ADSL: variants seen among roughly 807,000 people sequenced by gnomAD.
ADSL encodes adenylosuccinate lyase.
A neutral mutation model predicts 62.1 loss-of-function variants in ADSL; 44 were observed. The observed-to-expected ratio is 0.71, with a 90% CI of 0.56 to 0.91. The LOEUF is 0.91. ADSL is among the 40% of genes least tolerant of loss of function. ADSL has a pLI of 0.00. For synonymous variants in ADSL, 198 were observed against 220.5 expected (o/e 0.90, Z 0.90); for missense variants, 531 against 627.4 (o/e 0.85, Z 1.64).
chr22:40,351,776 TC>T (rs1380629723), intron 2 of ADSL, among the ~76,000 whole-genome samples: 2 of 151,974 alleles, frequency 1.3e-5, no homozygotes, highest in Non-Finnish European at 2.9e-5. Context: ...GCCTCAGCCT[TC>T]CAAGTAGCTA....
intron 2 of ADSL, among the ~76,000 whole-genome samples, chr22:40,383,286 T>C (rs1008009510): frequency 2.6e-5 from 4 of 151,804 alleles, no homozygotes; most frequent in Admixed American, 2.0e-4. Flanking sequence ...GCCAACACGG[T>C]GAAACCCCAT....
chr22:40,365,283 G>A (rs1238276171), intron 12 of ADSL, among the ~76,000 whole-genome samples: 1 of 152,132 alleles, frequency 6.6e-6, no homozygotes, highest in African/African-American at 2.4e-5. Context: ...GTGCAGTGGT[G>A]CTGGGATTAT....
In ADSL at chr22:40,386,622, A is replaced by G. The variant is rs189749424; in HGVS notation, c.90-3608A>G. Reference sequence around the variant, plus strand: ...AGACAACTAGAGATCAGGTCTCGCTATGTTGCCCAGGCTGGTCTTGAACTC... The same window carrying G: ...AGACAACTAGAGATCAGGTCTCGCTGTGTTGCCCAGGCTGGTCTTGAACTC... On this transcript the variant is annotated intron_variant, in intron 2 of 2. Transcript: ENST00000498234. 1.9e-3 allele frequency among the ~76,000 whole-genome samples: 214 copies of G among 113,406 alleles called. 1 individual carries two copies. The highest frequency in any genetic ancestry group is 7.1e-3 in the African/African-American group (202 of 28,266). 74.4% of individuals were successfully genotyped at this position (113,406 alleles called of 152,430 possible). A position where few individuals can be genotyped will look rare whatever the true frequency, so the allele number is the denominator to read the frequency against.
chr22:40,358,468 C>G (rs2044650511), intron 4 of ADSL, among the ~76,000 whole-genome samples: 1 of 152,116 alleles, frequency 6.6e-6, no homozygotes, highest in Non-Finnish European at 1.5e-5. Flanking sequence ...CCTGTGGTCC[C>G]AGCTACATGG....
intron 6 of ADSL, among the ~76,000 whole-genome samples, chr22:40,359,726 A>G (rs1384868093): frequency 6.6e-6 from 1 of 151,814 alleles, no homozygotes; most frequent in Non-Finnish European, 1.5e-5. Flanking sequence ...ATTGTTTTGT[A>G]GAGACCATGT....
chr22:40,363,101 C>T (rs748903899), intron 10 of ADSL, 30 bp downstream of exon 10: 1 of 1,596,916 alleles, frequency 6.3e-7, no homozygotes, highest in Non-Finnish European at 8.6e-7. Flanking sequence ...AAGTAAAGTA[C>T]TAGGGAGGGG....
rs2045045026 is a variant in ADSL at position 40,367,671 on chromosome 22, A to G, written c.*1149A>G. On this transcript the variant is annotated 3_prime_UTR_variant, in exon 13 of 13. Transcript: ENST00000623063. ...TTAATTACCTACCTGCCAGGAGAGC[A>G]CTAGTGTTATTTAGCCCATTCTCAT... The G allele has an allele frequency of 6.0e-6, 1 of 167,002 alleles. No homozygotes were observed. The highest frequency in any genetic ancestry group is 2.4e-5 in the African/African-American group (1 of 41,452). 10.3% of individuals were successfully genotyped at this position (167,002 alleles called of 1,614,324 possible). A position where few individuals can be genotyped will look rare whatever the true frequency, so the allele number is the denominator to read the frequency against.
rs143916630 is a variant in ADSL at position 40,346,580 on chromosome 22, G to A, written c.22G>A (p.Gly8Ser). Residue 8 changes from glycine (G) to serine (S), a missense_variant, in exon 1 of 13, where the codon GGT becomes AGT. By Grantham distance (56) the Gly-to-Ser change is moderately conservative. Coordinates refer to ENST00000623063, the MANE Select transcript of ADSL (RefSeq NM_000026.4). MAAGGDH[G>S]SPDSYRSPLA... Reference sequence around the variant, plus strand: ...TGGGATGGCGGCTGGAGGCGATCATGGTTCGCCCGACAGCTACCGCTCACC... The same window carrying A: ...TGGGATGGCGGCTGGAGGCGATCATAGTTCGCCCGACAGCTACCGCTCACC... The A allele has an allele frequency of 1.2e-6, 2 of 1,605,766 alleles. No homozygotes were observed. Among genetic ancestry groups the A allele is most frequent in the African/African-American group, 2.7e-5 (2 of 74,844 alleles).
chr22:40,360,445 AT>A lies in ADSL; in HGVS notation c.747del (p.Ile249MetfsTer63). 1 of 1,614,094 alleles carries A rather than the reference AT, an allele frequency of 6.2e-7. No individual in the cohort carries two copies. Among genetic ancestry groups the A allele is most frequent in the Non-Finnish European group, 8.5e-7 (1 of 1,179,970 alleles). On this transcript the variant is annotated frameshift_variant, in exon 7 of 13. Transcript: ENST00000623063. LOFTEE classifies it high-confidence loss of function. Reference protein sequence around the residue: ...TGQTYTRKVDIEVLSVLASLG... With the variant: ...TGQTYTRKVDXEVLSVLASLG... ...GCAGACATATACACGAAAAGTGGAT[AT>A]TGAAGTACTGTCTGTGCTGGCTAGC... is the stretch of plus-strand genomic sequence containing the variant.
chr22:40,350,933 A>G (rs1017206386), intron 2 of ADSL, among the ~76,000 whole-genome samples: 1 of 151,910 alleles, frequency 6.6e-6, no homozygotes, highest in African/African-American at 2.4e-5. Context: ...CCTGGCCTTC[A>G]AAGGACTTGT....
intron 2 of ADSL, among the ~76,000 whole-genome samples, chr22:40,385,482 T>A (rs1464997399): frequency 6.6e-6 from 1 of 152,072 alleles, no homozygotes; most frequent in African/African-American, 2.4e-5. Flanking sequence ...GGTTGAAAGG[T>A]TCTCGTGGGT....
At chr22:40,376,229 G>T (rs559582568) in intron 2 of ADSL, 2 of 120,882 alleles carry the variant, frequency 1.7e-5, no homozygotes, top group Non-Finnish European at 3.2e-5. Flanking sequence ...GAAACAGTAC[G>T]GTAGTCGGAG....
At position 40,361,345 on chromosome 22, in the gene ADSL, G is replaced by A; in HGVS notation, c.862+3G>A. ...ACCCTTTGAAAAACAGCAGATTGGT[G>A]AGTGCTGTGTAGAGACCTGTGAGCA... On this transcript the variant is annotated splice_donor_region_variant and intron_variant, in intron 8 of 12. Coordinates refer to ENST00000623063, the MANE Select transcript of ADSL (RefSeq NM_000026.4). 1.2e-6 allele frequency: 2 copies of A among 1,614,080 alleles called. No homozygotes were observed. Among genetic ancestry groups the A allele is most frequent in the Non-Finnish European group, 8.5e-7 (1 of 1,179,914 alleles).
Position 40,350,047 on chromosome 22 carries a change from T to A in ADSL, c.357+12T>A. On this transcript the variant is annotated intron_variant, in intron 2 of 12. Transcript: ENST00000623063. ...TTGGAGACAATACTGTAGGCGCCTGTGTTGTTTATACTTAAAACTCAGTCT... is the reference window on the plus strand; with the variant it reads ...TTGGAGACAATACTGTAGGCGCCTGAGTTGTTTATACTTAAAACTCAGTCT... 1 of 1,611,026 alleles carries A rather than the reference T, an allele frequency of 6.2e-7. No homozygotes were observed. Among genetic ancestry groups the A allele is most frequent in the Non-Finnish European group, 8.5e-7 (1 of 1,177,158 alleles).
At chr22:40,356,263 G>A (rs117105495) in intron 4 of ADSL, among the ~76,000 whole-genome samples, 1,862 of 151,706 alleles carry the variant, frequency 0.012, 18 homozygotes, top group Middle Eastern at 0.02. Flanking sequence ...GCAGCCGGGC[G>A]CAGTGGATCG....
At chr22:40,363,128 A>C in intron 10 of ADSL, 57 bp downstream of exon 10, 1 of 1,524,676 alleles carries the variant, frequency 6.6e-7, no homozygotes, top group Non-Finnish European at 9.1e-7. Context: ...TGTGGGAGGG[A>C]GGGTGCTCTG....
At position 40,350,168 on chromosome 22, in the gene ADSL, C is replaced by T. The variant is rs2044291213; in HGVS notation, c.357+133C>T. 3.5e-5 allele frequency: 29 copies of T among 835,014 alleles called. No individual in the cohort carries two copies. The South Asian group carries it at 4.9e-4, about 14-fold the overall frequency. 51.7% of individuals were successfully genotyped at this position (835,014 alleles called of 1,614,324 possible). A position where few individuals can be genotyped will look rare whatever the true frequency, so the allele number is the denominator to read the frequency against. On this transcript the variant is annotated intron_variant, in intron 2 of 12. Coordinates refer to ENST00000623063, the MANE Select transcript of ADSL (RefSeq NM_000026.4). ...TTTTTGAGGCAGAGTCTCCCTCTGT[C>T]TCCCAGACTGGAGTGCAGTGGCACG...
intron 2 of ADSL, among the ~76,000 whole-genome samples, chr22:40,385,339 G>A (rs1190381650): frequency 2.6e-5 from 4 of 152,178 alleles, no homozygotes; most frequent in Non-Finnish European, 5.9e-5. Context: ...AGCTTGAGTG[G>A]GTACAGGGAT....
chr22:40,363,828 C>G (rs973558472), intron 10 of ADSL, among the ~76,000 whole-genome samples: 1 of 151,980 alleles, frequency 6.6e-6, no homozygotes, highest in African/African-American at 2.4e-5. Flanking sequence ...GGCGCGGTGG[C>G]TTACGCCTGT....
Sources: gnomAD v4.1 joint callset for allele counts (sites outside exome capture counted in the v4.1 genomes callset) on GRCh38, gnomAD v4.1.1 for gene constraint, MANE v1.5 for transcripts, NCBI Gene and HGNC (gene_info 2026-07-23, HGNC 2026-07-21) for gene names.